Variants in CCDC85A observed in about 807,000 individuals in gnomAD.
CCDC85A encodes coiled-coil domain containing 85A.
In CCDC85A, 38 loss-of-function variants were observed where a neutral mutation model predicts 50.2. The observed-to-expected ratio is 0.76, with a 90% CI of 0.58 to 0.99. The LOEUF is 0.99. Among genes scored for constraint, CCDC85A ranks in the 50% least tolerant of loss-of-function variants. The pLI is 0.00. For missense variants in CCDC85A, 820 were observed against 742.0 expected (o/e 1.11, Z -1.22); for synonymous variants, 366 against 301.4 (o/e 1.21, Z -2.22).
intron 3 of CCDC85A, among the ~76,000 whole-genome samples, chr2:56,348,538 A>G (rs554799353): frequency 2.0e-5 from 3 of 152,342 alleles, no homozygotes; most frequent in East Asian, 3.9e-4. Flanking sequence ...TGGCCTTGCA[A>G]TGCAGTCTTT....
chr2:56,326,084 G>T (rs531801129), intron 2 of CCDC85A, among the ~76,000 whole-genome samples: 59 of 152,140 alleles, frequency 3.9e-4, no homozygotes, highest in African/African-American at 1.4e-3. Flanking sequence ...GCTTAATTTG[G>T]CCTTTACTTT....
intron 2 of CCDC85A, among the ~76,000 whole-genome samples, chr2:56,214,680 T>G (rs892293499): frequency 5.9e-5 from 9 of 151,952 alleles, no homozygotes; most frequent in African/African-American, 1.9e-4. Flanking sequence ...TAAAGATCAA[T>G]GGACTGTATT....
chr2:56,363,442 GTGTT>G (rs1675635503), intron 3 of CCDC85A, among the ~76,000 whole-genome samples: 1 of 152,164 alleles, frequency 6.6e-6, no homozygotes, highest in Non-Finnish European at 1.5e-5. Flanking sequence ...ACTGGTAGCT[GTGTT>G]TGTTTGTATT....
chr2:56,252,590 T>A (rs558225764), intron 2 of CCDC85A, among the ~76,000 whole-genome samples: 1 of 152,242 alleles, frequency 6.6e-6, no homozygotes, highest in South Asian at 2.1e-4. Context: ...GTGTGCAGAA[T>A]GTGCAGGTTT....
intron 2 of CCDC85A, among the ~76,000 whole-genome samples, chr2:56,281,246 C>A (rs978300203): frequency 6.6e-6 from 1 of 152,044 alleles, no homozygotes; most frequent in African/African-American, 2.4e-5. Flanking sequence ...TGAGATTAAG[C>A]CATGTTGTTG....
chr2:56,223,302 T>G (rs183180060), intron 2 of CCDC85A, among the ~76,000 whole-genome samples: 1 of 152,284 alleles, frequency 6.6e-6, no homozygotes, highest in Non-Finnish European at 1.5e-5. Context: ...AGACTTTCTG[T>G]GCTGTGTATG....
At chr2:56,351,566 T>G (rs1674941968) in intron 3 of CCDC85A, among the ~76,000 whole-genome samples, 1 of 142,118 alleles carries the variant, frequency 7.0e-6, no homozygotes, top group Non-Finnish European at 1.5e-5. Context: ...AGATGGTATC[T>G]CATTGTGGTT....
intron 2 of CCDC85A, among the ~76,000 whole-genome samples, chr2:56,309,018 C>G (rs1480971204): frequency 6.6e-6 from 1 of 152,148 alleles, no homozygotes; most frequent in South Asian, 2.1e-4. Flanking sequence ...AATTCTCCAA[C>G]TGGGACTTGG....
In CCDC85A at chr2:56,269,151, A is replaced by G. The variant is rs149366101; in HGVS notation, c.1241-73728A>G. ...TCTGGCTCTGCATCTTTGGGCCACAACACAAGGGTAATTGGGACAGTAAAT... is the reference window on the plus strand; with the variant it reads ...TCTGGCTCTGCATCTTTGGGCCACAGCACAAGGGTAATTGGGACAGTAAAT... On this transcript the variant is annotated intron_variant, in intron 2 of 5. Coordinates refer to ENST00000407595, the MANE Select transcript of CCDC85A (RefSeq NM_001080433.2). 2.0e-3 allele frequency among the ~76,000 whole-genome samples: 300 copies of G among 152,266 alleles called. 4 individuals are homozygous for G. Among genetic ancestry groups the G allele is most frequent in the Admixed American group, 0.018 (275 of 15,290 alleles).
intron 2 of CCDC85A, among the ~76,000 whole-genome samples, chr2:56,285,358 C>A (rs2104119000): frequency 6.6e-6 from 1 of 150,538 alleles, no homozygotes; most frequent in African/African-American, 2.4e-5. Flanking sequence ...CCTACCTTGG[C>A]CTCCCAGAGT....
At chr2:56,289,151 A>G (rs1412152300) in intron 2 of CCDC85A, among the ~76,000 whole-genome samples, 1 of 152,182 alleles carries the variant, frequency 6.6e-6, no homozygotes, top group East Asian at 1.9e-4. Context: ...CACAGGACCC[A>G]TGATTTCTTA....
chr2:56,231,455 G>C (rs774416024), intron 2 of CCDC85A, among the ~76,000 whole-genome samples: 2 of 152,142 alleles, frequency 1.3e-5, no homozygotes, highest in Non-Finnish European at 2.9e-5. Flanking sequence ...AGGTAATTGC[G>C]TTTGGTGGAA....
chr2:56,349,945 A>G (rs2104340634), intron 3 of CCDC85A, among the ~76,000 whole-genome samples: 1 of 151,946 alleles, frequency 6.6e-6, no homozygotes, highest in East Asian at 1.9e-4. Flanking sequence ...AGGTTTGGCT[A>G]TATAGTAATA....
intron 2 of CCDC85A, among the ~76,000 whole-genome samples, chr2:56,216,170 T>G (rs1677386315): frequency 6.6e-6 from 1 of 151,892 alleles, no homozygotes; most frequent in African/African-American, 2.4e-5. Context: ...GTTTTGGCAA[T>G]TGCGAACAAA....
At chr2:56,285,498 T>TATA (rs60469478) in intron 2 of CCDC85A, among the ~76,000 whole-genome samples, 30,621 of 145,582 alleles carry the variant, frequency 0.21, 4,550 homozygotes, top group African/African-American at 0.42. Flanking sequence ...ACATTAATAA[T>TATA]ATTATTATAG....
At chr2:56,317,223 A>T (rs564300863) in intron 2 of CCDC85A, among the ~76,000 whole-genome samples, 1 of 152,216 alleles carries the variant, frequency 6.6e-6, no homozygotes, top group African/African-American at 2.4e-5. Flanking sequence ...CTTTAATGAA[A>T]ATATGTAGTT....
At chr2:56,262,993 T>G (rs1670283554) in intron 2 of CCDC85A, among the ~76,000 whole-genome samples, 1 of 152,054 alleles carries the variant, frequency 6.6e-6, no homozygotes, top group Non-Finnish European at 1.5e-5. Context: ...CAAGACCACT[T>G]AAAGCATTGA....
At chr2:56,329,620 A>G (rs1573271663) in intron 2 of CCDC85A, among the ~76,000 whole-genome samples, 2 of 152,314 alleles carry the variant, frequency 1.3e-5, no homozygotes, top group Non-Finnish European at 1.5e-5. Context: ...CTTTTCTTAT[A>G]TAAAGGAACA....
At chr2:56,205,614 G>T (rs773404986) in intron 2 of CCDC85A, among the ~76,000 whole-genome samples, 10 of 152,224 alleles carry the variant, frequency 6.6e-5, no homozygotes, top group Non-Finnish European at 1.3e-4. Flanking sequence ...GGGGAAGCAT[G>T]AACTGATAAG....
Sources: gnomAD v4.1 joint callset for allele counts (sites outside exome capture counted in the v4.1 genomes callset) on GRCh38, gnomAD v4.1.1 for gene constraint, MANE v1.5 for transcripts, NCBI Gene and HGNC (gene_info 2026-07-23, HGNC 2026-07-21) for gene names.